RELN: variants seen among roughly 807,000 people sequenced by gnomAD.
RELN encodes reelin.
In RELN, 108 loss-of-function variants were observed where a neutral mutation model predicts 427.6. That is an observed-to-expected ratio of 0.25 (90% CI 0.22 to 0.30). The LOEUF (loss-of-function observed/expected upper bound fraction) is 0.30. Among genes scored for constraint, RELN ranks in the 10% least tolerant of loss-of-function variants. RELN has a pLI of 1.00. For missense variants in RELN, 3,715 were observed against 4,302.8 expected, an observed-to-expected ratio of 0.86 and a Z score of 3.82; for synonymous variants, 1,524 against 1,513.4, an observed-to-expected ratio of 1.01 and a Z score of -0.16.
chr7:103,567,793 A>T (rs922567194), intron 31 of RELN, among the ~76,000 whole-genome samples: 1 of 148,512 alleles, frequency 6.7e-6, no homozygotes, highest in East Asian at 1.9e-4. Context: ...TATATATTTT[A>T]TATATATATA....
chr7:103,651,802 G>T lies in RELN; in HGVS notation c.1764-13C>A. 1 of 1,610,210 alleles carries T rather than the reference G, an allele frequency of 6.2e-7. No individual in the cohort carries two copies. Among genetic ancestry groups the T allele is most frequent in the South Asian group, 1.1e-5 (1 of 90,922 alleles). On this transcript the variant is annotated splice_polypyrimidine_tract_variant and intron_variant, in intron 14 of 64. Transcript: ENST00000428762. ...TTCCAAGCTGACACTAATAAAACCA[G>T]AACAAGCACACACAAAAGGTGGGGA...
chr7:103,856,337 G>C (rs971418007), intron 2 of RELN, among the ~76,000 whole-genome samples: 3 of 151,896 alleles, frequency 2.0e-5, no homozygotes, highest in East Asian at 3.9e-4. Context: ...CAGCACTTTG[G>C]GGGGCTGAGG....
chr7:103,786,769 G>A (rs760780117), intron 3 of RELN, among the ~76,000 whole-genome samples: 7 of 151,874 alleles, frequency 4.6e-5, no homozygotes, highest in Non-Finnish European at 1.0e-4. Flanking sequence ...TTTAACACCC[G>A]ACTGTCGATA....
intron 64 of RELN, among the ~76,000 whole-genome samples, chr7:103,475,891 A>ATT: frequency 6.6e-6 from 1 of 151,986 alleles, no homozygotes; most frequent in South Asian, 2.1e-4. Flanking sequence ...TTTAAATAAC[A>ATT]TTTTTTTCTT....
intron 8 of RELN, among the ~76,000 whole-genome samples, chr7:103,720,302 G>A (rs1055418253): frequency 4.6e-5 from 7 of 151,942 alleles, no homozygotes; most frequent in Admixed American, 1.3e-4. Context: ...TGAGGAACTT[G>A]GGAGTCTTTT....
intron 4 of RELN, among the ~76,000 whole-genome samples, chr7:103,776,142 C>G (rs575342136): frequency 2.9e-4 from 44 of 152,282 alleles, no homozygotes; most frequent in African/African-American, 1.0e-3. Context: ...ACAGTTGAAA[C>G]AGGCCCATAG....
rs1287091302 is a variant in RELN, at chr7:103,872,496, C to T, written c.338-38824G>A. Among the ~76,000 whole-genome samples, 3 of 133,424 alleles carry T rather than the reference C, an allele frequency of 2.2e-5. 1 individual carries two copies. The highest frequency in any genetic ancestry group is 1.5e-4 in the Admixed American group (2 of 12,940). The allele number at this position is 133,424 out of a possible 152,430, so 87.5% of individuals were successfully genotyped here. ...CATTTGGGTTGGTTCCAAGTCTTTG[C>T]TATTGTGAATAATGCCACAATAAAC... is the stretch of plus-strand genomic sequence containing the variant. On this transcript the variant is annotated intron_variant, in intron 2 of 64. Coordinates refer to ENST00000428762, the MANE Select transcript of RELN (RefSeq NM_005045.4).
chr7:103,851,807 T>C (rs1793828606), intron 2 of RELN, among the ~76,000 whole-genome samples: 1 of 152,174 alleles, frequency 6.6e-6, no homozygotes, highest in Admixed American at 6.5e-5. Context: ...ATTATCCAGC[T>C]CCTTTGCAGT....
At chr7:103,515,767 T>C (rs905412388) in intron 49 of RELN, among the ~76,000 whole-genome samples, 2 of 152,158 alleles carry the variant, frequency 1.3e-5, no homozygotes, top group African/African-American at 4.8e-5. Context: ...ATATGCACTT[T>C]GGTAGACATA....
rs1791514614 is a variant in RELN, at chr7:103,769,646, C to T, written c.544+6911G>A. Reference sequence around the variant, plus strand: ...TGCCCACTAGCATTCTCTCCTCAGTCTCATTTAAGAAAAAAGTAGCCTCTG... The same window carrying T: ...TGCCCACTAGCATTCTCTCCTCAGTTTCATTTAAGAAAAAAGTAGCCTCTG... On this transcript the variant is annotated intron_variant, in intron 4 of 64. Coordinates refer to ENST00000428762, the MANE Select transcript of RELN (RefSeq NM_005045.4). Among the ~76,000 whole-genome samples the T allele has an allele frequency of 2.6e-5, 4 of 152,164 alleles. No individual in the cohort carries two copies. In the South Asian group the frequency reaches 8.3e-4, roughly 31 times the overall value.
At chr7:103,520,354 C>A (rs1829671123) in intron 48 of RELN, among the ~76,000 whole-genome samples, 1 of 152,136 alleles carries the variant, frequency 6.6e-6, no homozygotes, top group East Asian at 1.9e-4. Context: ...CGGCTCACTG[C>A]AACCTCCATC....
chr7:103,708,498 G>GT (rs1259713027), intron 8 of RELN, among the ~76,000 whole-genome samples: 1 of 127,068 alleles, frequency 7.9e-6, no homozygotes, highest in Non-Finnish European at 1.6e-5. Flanking sequence ...GAGTCTTGCT[G>GT]TGTCTCCCAG....
At chr7:103,594,538 C>CTT (rs35588028) in intron 25 of RELN, 46 bp from the exon 26 acceptor site, 13,044 of 1,340,504 alleles carry the variant, frequency 9.7e-3, no homozygotes, top group Non-Finnish European at 0.011. Context: ...AAAAGCTGTG[C>CTT]TTTTTTTTTT....
chr7:103,601,597 G>C (rs1831669948), intron 24 of RELN, among the ~76,000 whole-genome samples: 1 of 152,108 alleles, frequency 6.6e-6, no homozygotes, highest in Non-Finnish European at 1.5e-5. Flanking sequence ...TTACCTGCTT[G>C]AAAGAAGTGA....
intron 2 of RELN, among the ~76,000 whole-genome samples, chr7:103,905,961 A>G (rs802786): frequency 0.83 from 125,946 of 152,024 alleles, 52,695 homozygotes; most frequent in African/African-American, 0.96. Context: ...GATTTGCCCC[A>G]GAGACCGAGC....
chr7:103,481,522 A>G (rs1476729087), intron 63 of RELN, among the ~76,000 whole-genome samples: 1 of 152,184 alleles, frequency 6.6e-6, no homozygotes, highest in Non-Finnish European at 1.5e-5. Context: ...TAAAACAAGA[A>G]TGATGCCCAG....
intron 2 of RELN, among the ~76,000 whole-genome samples, chr7:103,872,078 T>A (rs1479200785): frequency 1.4e-5 from 2 of 147,108 alleles, no homozygotes; most frequent in Non-Finnish European, 3.0e-5. Flanking sequence ...ATTTTTTTAT[T>A]ATACTTTAAG....
Position 103,483,532 on chromosome 7 carries a change from C to A in RELN, c.10181+121G>T. 6.1e-6 allele frequency: 6 copies of A among 991,562 alleles called. No individual in the cohort carries two copies. In the South Asian group the frequency reaches 7.7e-5, roughly 13 times the overall value. 61.4% of individuals were successfully genotyped at this position (991,562 alleles called of 1,614,324 possible). A position where few individuals can be genotyped will look rare whatever the true frequency, so the allele number is the denominator to read the frequency against. On this transcript the variant is annotated intron_variant, in intron 62 of 64. Transcript: ENST00000428762. ...TCTGGGTTAGTCTTCGTTCTGCCAC[C>A]ACCTAGTTTTGTGGCATTGGTGCAT...
chr7:103,582,252 T>C (rs549545091), intron 28 of RELN, among the ~76,000 whole-genome samples: 1 of 152,304 alleles, frequency 6.6e-6, no homozygotes, highest in African/African-American at 2.4e-5. Context: ...TGAGAAAGAA[T>C]GAACTTCTAT....
Sources: gnomAD v4.1 joint callset for allele counts (sites outside exome capture counted in the v4.1 genomes callset) on GRCh38, gnomAD v4.1.1 for gene constraint, MANE v1.5 for transcripts, NCBI Gene and HGNC (gene_info 2026-07-23, HGNC 2026-07-21) for gene names.